Variants in DYNC2H1 observed in about 807,000 individuals in gnomAD.
DYNC2H1 encodes cytoplasmic dynein 2 heavy chain 1.
In DYNC2H1, 410 loss-of-function variants were observed where a neutral mutation model predicts 570.0. That is an observed-to-expected ratio of 0.72 (90% CI 0.66 to 0.78). The LOEUF (loss-of-function observed/expected upper bound fraction) is 0.78, where lower values mean the gene tolerates loss of function less well. Ranked by LOEUF, DYNC2H1 falls within the 30% of genes least tolerant of loss-of-function variation. DYNC2H1 has a pLI of 0.00. For missense variants in DYNC2H1, 4,865 were observed against 5,046.4 expected (o/e 0.96, Z 1.09); for synonymous variants, 1,688 against 1,677.6 (o/e 1.01, Z -0.15).
At chr11:103,113,824 T>C in intron 2 of DYNC2H1, 117 bp downstream of exon 2, 2 of 911,878 alleles carry the variant, frequency 2.2e-6, no homozygotes, top group Non-Finnish European at 3.0e-6. Flanking sequence ...TTAATTAAAA[T>C]ATCTTTTCTT....
At chr11:103,434,107 A>G (rs183500345) in intron 84 of DYNC2H1, among the ~76,000 whole-genome samples, 1 of 152,058 alleles carries the variant, frequency 6.6e-6, no homozygotes, top group South Asian at 2.1e-4. Context: ...GATGTAGCTC[A>G]TGTTTGCAGC....
intron 26 of DYNC2H1, among the ~76,000 whole-genome samples, 154 bp from the exon 27 acceptor site, chr11:103,158,523 G>T (rs568692380): frequency 2.6e-5 from 4 of 152,098 alleles, no homozygotes; most frequent in African/African-American, 9.7e-5. Flanking sequence ...AAATGATAGT[G>T]TGATATTAAT....
intron 75 of DYNC2H1, among the ~76,000 whole-genome samples, chr11:103,302,652 C>T (rs1337984022): frequency 6.6e-6 from 1 of 152,022 alleles, no homozygotes; most frequent in Non-Finnish European, 1.5e-5. Flanking sequence ...TCTGATTCCC[C>T]ATATGCGTGA....
chr11:103,220,759 A>G lies in DYNC2H1; in HGVS notation c.9083A>G (p.Asp3028Gly). The G allele has an allele frequency of 6.2e-7, 1 of 1,612,650 alleles. No homozygotes were observed. The highest frequency in any genetic ancestry group is 8.5e-7 in the Non-Finnish European group (1 of 1,179,160). Residue 3028 changes from aspartate (D) to glycine (G), a missense_variant, in exon 57 of 89, where the codon GAT (aspartate) becomes GGT (glycine). Asp to Gly is a moderately conservative substitution (Grantham distance 94). Coordinates refer to ENST00000375735, the MANE Select transcript of DYNC2H1 (RefSeq NM_001377.3). ...EGVLRLMGIF[D>G]TSWVSMKSFL... ...GTTTTAAGGTTGATGGGTATCTTTG[A>G]TACATCTTGGGTGAGCATGAAAAGG... is the stretch of plus-strand genomic sequence containing the variant.
At chr11:103,388,897 T>C (rs7951176) in intron 83 of DYNC2H1, among the ~76,000 whole-genome samples, 102,132 of 152,032 alleles carry the variant, frequency 0.67, 34,445 homozygotes, top group Admixed American at 0.73. Flanking sequence ...CTGCTGGATT[T>C]GGTTTGCCAG....
At chr11:103,190,826 AAATTGTTTT>A (rs1862274039) in intron 45 of DYNC2H1, among the ~76,000 whole-genome samples, 1 of 152,112 alleles carries the variant, frequency 6.6e-6, no homozygotes, top group South Asian at 2.1e-4. Context: ...TCTTGAACTT[AAATTGTTTT>A]AATGGTTCCC....
At chr11:103,330,088 G>C (rs1196836320) in intron 82 of DYNC2H1, among the ~76,000 whole-genome samples, 1 of 152,150 alleles carries the variant, frequency 6.6e-6, no homozygotes, top group African/African-American at 2.4e-5. Flanking sequence ...ATAGGTTTTG[G>C]AATGTAAAGG....
chr11:103,295,083 G>A (rs1027443457), intron 75 of DYNC2H1, among the ~76,000 whole-genome samples: 2 of 151,666 alleles, frequency 1.3e-5, no homozygotes, highest in Admixed American at 1.3e-4. Context: ...CACTGCTATG[G>A]ACATCAGAAT....
intron 29 of DYNC2H1, among the ~76,000 whole-genome samples, chr11:103,162,463 G>A (rs1289574825): frequency 6.6e-6 from 1 of 152,104 alleles, no homozygotes; most frequent in Non-Finnish European, 1.5e-5. Flanking sequence ...ATATAATCAA[G>A]TGAGTGGAAA....
rs75677600 is a variant in DYNC2H1, at chr11:103,290,407, C to T, written c.11095+2802C>T. On this transcript the variant is annotated intron_variant, in intron 75 of 88. Coordinates refer to ENST00000375735, the MANE Select transcript of DYNC2H1 (RefSeq NM_001377.3). ...GGGAGGAAATGTCACTATTTATTCA[C>T]CTCTGATAGAATGTTTATGTACCAG... Among the ~76,000 whole-genome samples, 5 of 152,250 alleles carry T rather than the reference C, an allele frequency of 3.3e-5. No individual in the cohort carries two copies. In the East Asian group the frequency reaches 9.6e-4, roughly 29 times the overall value.
At chr11:103,383,627 C>T (rs1941756767) in intron 83 of DYNC2H1, among the ~76,000 whole-genome samples, 1 of 148,282 alleles carries the variant, frequency 6.7e-6, no homozygotes, top group African/African-American at 2.5e-5. Context: ...GTACCCACCA[C>T]CACGCCCAGC....
chr11:103,389,601 T>G (rs1942044759), intron 83 of DYNC2H1, among the ~76,000 whole-genome samples: 1 of 152,176 alleles, frequency 6.6e-6, no homozygotes, highest in South Asian at 2.1e-4. Flanking sequence ...GGTGTCAATT[T>G]TGGATCTTTC....
In DYNC2H1 at chr11:103,280,887, C is replaced by T. The variant is rs1866102378; in HGVS notation, c.10761+474C>T. The stretch of plus-strand genomic sequence containing the variant: ...ATTTTTTTATGTATAATTTGTCTTC[C>T]TTGTTTATGATCTCATTTCTAGTCT... On this transcript the variant is annotated intron_variant, in intron 71 of 88. Coordinates refer to ENST00000375735, the MANE Select transcript of DYNC2H1 (RefSeq NM_001377.3). This position sits in a 1 kb window ranked among gnomAD's most constrained non-coding sequence, Gnocchi z 4.7. 6.6e-6 allele frequency among the ~76,000 whole-genome samples: 1 copy of T among 151,906 alleles called. No individual in the cohort carries two copies. Among genetic ancestry groups the T allele is most frequent in the African/African-American group, 2.4e-5 (1 of 41,402 alleles).
In DYNC2H1 at chr11:103,157,356, G is replaced by A. The variant is rs924741692; in HGVS notation, c.4127+586G>A. ...CATGTACAGCCCATATTTCTCTTCT[G>A]AGCTCCAAATCTACCAAACATGCTC... On this transcript the variant is annotated intron_variant, in intron 26 of 88. Transcript: ENST00000375735. This position sits in a 1 kb window ranked among gnomAD's most constrained non-coding sequence, Gnocchi z 4.2. Among the ~76,000 whole-genome samples, 6 of 152,136 alleles carry A rather than the reference G, an allele frequency of 3.9e-5. No homozygotes were observed. Among genetic ancestry groups the A allele is most frequent in the African/African-American group, 1.4e-4 (6 of 41,428 alleles).
chr11:103,391,770 C>T (rs1382766025), intron 83 of DYNC2H1, among the ~76,000 whole-genome samples: 1 of 152,196 alleles, frequency 6.6e-6, no homozygotes, highest in Non-Finnish European at 1.5e-5. Flanking sequence ...CGCTCCAGAC[C>T]CTGTTTGCCT....
At chr11:103,278,958 G>A (rs1347665984) in intron 70 of DYNC2H1, among the ~76,000 whole-genome samples, 2 of 152,162 alleles carry the variant, frequency 1.3e-5, no homozygotes, top group Non-Finnish European at 2.9e-5. Context: ...GGGTTGCAGT[G>A]GAGAACAAGG....
chr11:103,176,602 G>C (rs1358824082), intron 37 of DYNC2H1, among the ~76,000 whole-genome samples, 168 bp downstream of exon 37: 1 of 152,050 alleles, frequency 6.6e-6, no homozygotes, highest in Non-Finnish European at 1.5e-5. Context: ...TCTTCTTGCT[G>C]TGTGCTCTTA....
intron 81 of DYNC2H1, 61 bp from the exon 82 acceptor site, chr11:103,323,825 A>G (rs1938332630): frequency 8.1e-7 from 1 of 1,235,488 alleles, no homozygotes; most frequent in Non-Finnish European, 1.1e-6. Context: ...TTCTTATTTC[A>G]ATGATTGTAA....
chr11:103,464,119 A>AC (rs1945112080), intron 87 of DYNC2H1, among the ~76,000 whole-genome samples: 5 of 152,248 alleles, frequency 3.3e-5, no homozygotes, highest in Non-Finnish European at 5.9e-5. Flanking sequence ...TTAGTTGTTA[A>AC]TTTTATAGAA....
Sources: allele counts gnomAD v4.1 joint callset (sites outside exome capture counted in the v4.1 genomes callset), GRCh38; gene constraint gnomAD v4.1.1; non-coding constraint Gnocchi (gnomAD v3.1); transcripts MANE v1.5; gene names NCBI Gene and HGNC (gene_info 2026-07-23, HGNC 2026-07-21).